Variants in IGFBPL1 observed in about 807,000 individuals in gnomAD.
IGFBPL1 encodes insulin like growth factor binding protein like 1, also known as insulin-like growth factor-binding protein-like 1.
Under a neutral mutation model 23.9 loss-of-function variants are expected in IGFBPL1, and 20 were observed. The observed-to-expected ratio is 0.84, with a 90% confidence interval of 0.59 to 1.22. The LOEUF is 1.22. IGFBPL1 is among the 50% of genes most tolerant of loss of function. The pLI, the probability that IGFBPL1 is intolerant of heterozygous loss-of-function variation, is 0.00. For synonymous variants in IGFBPL1, 184 were observed against 171.8 expected (o/e 1.07, Z -0.56); for missense variants, 436 against 379.3 (o/e 1.15, Z -1.24).
Position 38,411,386 on chromosome 9 carries a change from T to C in IGFBPL1, c.*9+5A>G, listed in dbSNP as rs1169543527. The C allele has an allele frequency of 5.6e-6, 9 of 1,610,602 alleles. No homozygotes were observed. The highest frequency in any genetic ancestry group is 1.3e-5 in the African/African-American group (1 of 74,916). ...AAAATACTGAAAATGACTTAGAACA[T>C]GTACATTTCTCCATCACATGCGGTC... On this transcript the variant is annotated splice_donor_5th_base_variant and intron_variant, in intron 4 of 4. Transcript: ENST00000377694.
chr9:38,421,741 G>A (rs1821683011), intron 1 of IGFBPL1, among the ~76,000 whole-genome samples: 1 of 152,208 alleles, frequency 6.6e-6, no homozygotes, highest in African/African-American at 2.4e-5. Flanking sequence ...GCCTGGGCTA[G>A]GAAACATCCC....
At chr9:38,423,930 C>T (rs1234764233) in intron 1 of IGFBPL1, 35 bp downstream of exon 1, 2 of 1,337,534 alleles carry the variant, frequency 1.5e-6, no homozygotes, top group African/African-American at 3.1e-5. Context: ...GGAATCCCTC[C>T]TTCTCTACCC....
intron 1 of IGFBPL1, among the ~76,000 whole-genome samples, 164 bp from the exon 2 acceptor site, chr9:38,414,367 G>A (rs921164015): frequency 3.9e-5 from 6 of 152,148 alleles, no homozygotes; most frequent in African/African-American, 1.4e-4. Context: ...CCTCAGACCT[G>A]GAAAGCTGCC....
chr9:38,414,247 T>A (rs190877367), intron 1 of IGFBPL1, 44 bp from the exon 2 acceptor site: 2 of 1,250,790 alleles, frequency 1.6e-6, no homozygotes, highest in Non-Finnish European at 2.3e-6. Flanking sequence ...CCCTGCAGGG[T>A]TCCAAGCAAC....
intron 1 of IGFBPL1, among the ~76,000 whole-genome samples, chr9:38,419,222 T>C (rs1294815167): frequency 6.6e-6 from 1 of 152,070 alleles, no homozygotes; most frequent in African/African-American, 2.4e-5. Flanking sequence ...CAGGACCCCA[T>C]CTGCTTGTAT....
At chr9:38,412,571 T>C (rs1398841296) in intron 3 of IGFBPL1, among the ~76,000 whole-genome samples, 1 of 152,232 alleles carries the variant, frequency 6.6e-6, no homozygotes, top group Non-Finnish European at 1.5e-5. Context: ...GCAGGTGTAC[T>C]AGTTCCTTGG....
In IGFBPL1 at chr9:38,408,338, C is replaced by T. The variant is rs1475104; in HGVS notation, c.*889G>A. On this transcript the variant is annotated 3_prime_UTR_variant, in exon 5 of 5. Transcript: ENST00000377694. ...AGCTACTCAGGAGGCTGAGGTGGAA[C>T]GATCACTCGAGCCCAGAAAGTGGAG... Among the ~76,000 whole-genome samples the T allele has an allele frequency of 3.3e-5, 5 of 150,342 alleles. No homozygotes were observed. The highest frequency in any genetic ancestry group is 4.2e-4 in the South Asian group (2 of 4,776).
intron 4 of IGFBPL1, among the ~76,000 whole-genome samples, chr9:38,410,591 T>G (rs1000451218): frequency 6.6e-6 from 1 of 152,046 alleles, no homozygotes; most frequent in Non-Finnish European, 1.5e-5. Context: ...AGAACGGACA[T>G]GTTCCACACT....
At chr9:38,421,368 C>T (rs60116711) in intron 1 of IGFBPL1, among the ~76,000 whole-genome samples, 1,599 of 150,978 alleles carry the variant, frequency 0.011, 22 homozygotes, top group African/African-American at 0.036. Flanking sequence ...TACATGTGTG[C>T]GGATCAAAGG....
chr9:38,412,012 G>A (rs1384752010), intron 3 of IGFBPL1, among the ~76,000 whole-genome samples: 1 of 152,060 alleles, frequency 6.6e-6, no homozygotes, highest in African/African-American at 2.4e-5. Context: ...TGAAAAAACC[G>A]CACAGCCAAT....
Position 38,423,951 on chromosome 9 carries a change from C to A in IGFBPL1, c.460+14G>T. 1 of 1,375,058 alleles carries A rather than the reference C, an allele frequency of 7.3e-7. No individual in the cohort carries two copies. Among genetic ancestry groups the A allele is most frequent in the South Asian group, 1.7e-5 (1 of 59,500 alleles). 85.2% of individuals were successfully genotyped at this position (1,375,058 alleles called of 1,614,324 possible). On this transcript the variant is annotated intron_variant, in intron 1 of 4. Coordinates refer to ENST00000377694, the MANE Select transcript of IGFBPL1 (RefSeq NM_001007563.3). ...CCTCCTTCTCTACCCACCCAATCCCCGACCCTGACTCACCGAACTCGCAAG... is the reference window on the plus strand; with the variant it reads ...CCTCCTTCTCTACCCACCCAATCCCAGACCCTGACTCACCGAACTCGCAAG...
Position 38,424,172 on chromosome 9 carries a change from A to G in IGFBPL1, c.253T>C (p.Cys85Arg). Residue 85 changes from cysteine (C) to arginine (R), a missense_variant, in exon 1 of 5, where the codon TGT becomes CGT. Physicochemically the swap from Cys to Arg is radical, Grantham distance 180. Transcript: ENST00000377694. ...CTCGCGCATACCAGGCCGGGGCCACAGCGCCCGCCGGCGCGGCCCCCGCAG... is the reference window on the plus strand; with the variant it reads ...CTCGCGCATACCAGGCCGGGGCCACGGCGCCCGCCGGCGCGGCCCCCGCAG... ...ASCGGRAGGRCGPGLVCASQA... is the reference protein window; with the variant it reads ...ASCGGRAGGRRGPGLVCASQA... The G allele has an allele frequency of 1.3e-5, 15 of 1,172,348 alleles. No homozygotes were observed. Among genetic ancestry groups the G allele is most frequent in the Non-Finnish European group, 1.6e-5 (15 of 951,074 alleles). 72.6% of individuals were successfully genotyped at this position (1,172,348 alleles called of 1,614,324 possible).
At chr9:38,413,090 T>C (rs1821536417) in intron 3 of IGFBPL1, 147 bp downstream of exon 3, 2 of 624,188 alleles carry the variant, frequency 3.2e-6, no homozygotes, top group Non-Finnish European at 5.7e-6. Context: ...CCAGCAGATC[T>C]GAAACCTGCC....
intron 3 of IGFBPL1, among the ~76,000 whole-genome samples, chr9:38,411,999 A>AT (rs1821519875): frequency 6.6e-6 from 1 of 152,192 alleles, no homozygotes; most frequent in Non-Finnish European, 1.5e-5. Context: ...AATGTGCTTG[A>AT]TTTGAAAAAA....
At position 38,408,796 on chromosome 9, in the gene IGFBPL1, T is replaced by C. The variant is rs1821469683; in HGVS notation, c.*431A>G. On this transcript the variant is annotated 3_prime_UTR_variant, in exon 5 of 5. Coordinates refer to ENST00000377694, the MANE Select transcript of IGFBPL1 (RefSeq NM_001007563.3). ...AGAGAGGGGAAGGGATCTGTTCAGG[T>C]CACACAGCAAGTTACAGTCAGGCAG... Among the ~76,000 whole-genome samples the C allele has an allele frequency of 6.6e-6, 1 of 152,142 alleles. No homozygotes were observed. Among genetic ancestry groups the C allele is most frequent in the South Asian group, 2.1e-4 (1 of 4,820 alleles).
chr9:38,409,321 C>T (rs1821478103), intron 4 of IGFBPL1, 104 bp from the exon 5 acceptor site: 1 of 152,238 alleles, frequency 6.6e-6, no homozygotes, highest in African/African-American at 2.4e-5. Context: ...CACTTCGAAT[C>T]TCTCCCCAGC....
Position 38,424,022 on chromosome 9 carries a change from T to C in IGFBPL1, c.403A>G (p.Thr135Ala). 1 of 1,407,596 alleles carries C rather than the reference T, an allele frequency of 7.1e-7. No homozygotes were observed. Among genetic ancestry groups the C allele is most frequent in the South Asian group, 1.5e-5 (1 of 64,966 alleles). The allele number at this position is 1,407,596 out of a possible 1,614,324, so 87.2% of individuals were successfully genotyped here. A position where few individuals can be genotyped will look rare whatever the true frequency, so the allele number is the denominator to read the frequency against. The change falls in exon 1 of 5, where the codon ACG (threonine) becomes GCG (alanine). Residue 135 changes from threonine to alanine, a missense_variant. Physicochemically the swap from Thr to Ala is moderately conservative, Grantham distance 58. Coordinates refer to ENST00000377694, the MANE Select transcript of IGFBPL1 (RefSeq NM_001007563.3). ...VCALRLRARH[T>A]PRAHPGHLHK... ...AGGTGACCGGGGTGCGCGCGGGGCG[T>C]GTGCCGAGCGCGCAGGCGCAGCGCG...
chr9:38,413,382 G>T, intron 2 of IGFBPL1, 29 bp from the exon 3 acceptor site: 3 of 1,475,876 alleles, frequency 2.0e-6, no homozygotes, highest in South Asian at 1.2e-5. Context: ...CCAGGAGGGG[G>T]CTTAGAAAAA....
chr9:38,421,995 G>C (rs1821687419), intron 1 of IGFBPL1, among the ~76,000 whole-genome samples: 1 of 152,152 alleles, frequency 6.6e-6, no homozygotes, highest in Admixed American at 6.5e-5. Context: ...GCCTGGGGTG[G>C]GCCTCAGATC....
Sources: gnomAD v4.1 joint callset for allele counts (sites outside exome capture counted in the v4.1 genomes callset) on GRCh38, gnomAD v4.1.1 for gene constraint, MANE v1.5 for transcripts, NCBI Gene and HGNC (gene_info 2026-07-23, HGNC 2026-07-21) for gene names.